ZNF536: variants seen among roughly 807,000 people sequenced by gnomAD.
The protein encoded by ZNF536 is zinc finger protein 536.
A neutral mutation model predicts 84.5 loss-of-function variants in ZNF536; 13 were observed. The ratio of observed to expected loss-of-function variants is 0.15; its 90% confidence interval spans 0.10 to 0.24. The LOEUF is 0.24. ZNF536 is among the 10% of genes least tolerant of loss of function. The probability of loss-of-function intolerance (pLI) is 1.00; values close to 1 mark genes in which losing one functional copy is unlikely to be tolerated. For synonymous variants in ZNF536, 811 were observed against 742.5 expected, an observed-to-expected ratio of 1.09 and a Z score of -1.50; for missense variants, 1,536 against 1,747.5, an observed-to-expected ratio of 0.88 and a Z score of 2.16.
intron 4 of ZNF536, among the ~76,000 whole-genome samples, chr19:30,550,384 C>G (rs866583056): frequency 6.6e-6 from 1 of 152,208 alleles, no homozygotes; most frequent in African/African-American, 2.4e-5. Context: ...AAGTCATTGT[C>G]TTGGCACCCT....
chr19:30,713,211 G>C (rs2052505227), exon 2 of ZNF536: 1 of 152,256 alleles, frequency 6.6e-6, no homozygotes, highest in Non-Finnish European at 1.5e-5. Context: ...TTTGTAACTT[G>C]TAATACAAAC....
intron 1 of ZNF536, among the ~76,000 whole-genome samples, chr19:30,625,267 G>A (rs2048634276): frequency 6.6e-6 from 1 of 152,146 alleles, no homozygotes; most frequent in South Asian, 2.1e-4. Context: ...CCCCCAATCA[G>A]GGAGTCATGA....
chr19:30,665,212 A>G (rs1190969840), intron 1 of ZNF536: 1 of 152,144 alleles, frequency 6.6e-6, no homozygotes, highest in African/African-American at 2.4e-5. Flanking sequence ...GCATGGTAGC[A>G]CATGCCTGTA....
chr19:30,245,584 A>G (rs2024212551), intron 1 of ZNF536, among the ~76,000 whole-genome samples: 1 of 152,252 alleles, frequency 6.6e-6, no homozygotes, highest in Non-Finnish European at 1.5e-5. Context: ...TTCCATTGTT[A>G]GAGATGGAAG....
intron 1 of ZNF536, among the ~76,000 whole-genome samples, chr19:30,424,958 A>C (rs1374257046): frequency 6.6e-6 from 1 of 152,212 alleles, no homozygotes; most frequent in East Asian, 1.9e-4. Context: ...CGTATGGCTC[A>C]GGATCCCAGG....
In ZNF536 at chr19:30,548,769, G is replaced by C. The variant is rs772300880; in HGVS notation, c.3150G>C (p.Lys1050Asn). 2.5e-6 allele frequency: 4 copies of C among 1,613,930 alleles called. No individual in the cohort carries two copies. Among genetic ancestry groups the C allele is most frequent in the Non-Finnish European group, 3.4e-6 (4 of 1,180,030 alleles). The change falls in exon 4 of 5, where the codon AAG becomes AAC. Residue 1050 changes from lysine (K) to asparagine (N), a missense_variant. Physicochemically the swap from Lys to Asn is moderately conservative, Grantham distance 94 (BLOSUM62 0). Coordinates refer to ENST00000355537, the MANE Select transcript of ZNF536 (RefSeq NM_014717.3). The part of the protein sequence containing the change: ...NCKDQAREAS[K>N]MALLPSLQSN... ...AAGACCAAGCCCGGGAGGCGAGTAAGATGGCCCTGCTGCCCTCGTTACAAT... is the reference window on the plus strand; with the variant it reads ...AAGACCAAGCCCGGGAGGCGAGTAACATGGCCCTGCTGCCCTCGTTACAAT...
At chr19:30,440,881 G>GGATAGATAGATA (rs56021291) in intron 1 of ZNF536, among the ~76,000 whole-genome samples, 3 of 145,562 alleles carry the variant, frequency 2.1e-5, no homozygotes, top group Non-Finnish European at 3.0e-5. Context: ...ACTCTGGCCA[G>GGATAGATAGATA]GATAGATAGA....
At chr19:30,561,958 G>T (rs1242853220), downstream of ZNF536, among the ~76,000 whole-genome samples, 4 of 152,206 alleles carry the variant, frequency 2.6e-5, no homozygotes, top group Admixed American at 6.5e-5. Context: ...AGCCACAGAT[G>T]AGAACAGATG....
At chr19:30,469,312 T>A (rs1051567578) in intron 2 of ZNF536, among the ~76,000 whole-genome samples, 5 of 151,926 alleles carry the variant, frequency 3.3e-5, no homozygotes, top group African/African-American at 1.2e-4. Flanking sequence ...CTCAGGAGGC[T>A]GAGGCAGGAG....
chr19:30,298,987 C>A (rs1156485313), intron 2 of ZNF536, among the ~76,000 whole-genome samples: 1 of 149,038 alleles, frequency 6.7e-6, no homozygotes, highest in East Asian at 2.1e-4. Flanking sequence ...TTAGGCCTGG[C>A]AGGTCACATT....
chr19:30,410,834 G>T (rs555854654), intron 1 of ZNF536, among the ~76,000 whole-genome samples: 1 of 152,292 alleles, frequency 6.6e-6, no homozygotes, highest in South Asian at 2.1e-4. Context: ...CTCTTCTCAA[G>T]AGGTAATAAT....
At chr19:30,694,969 G>C (rs1453684510) in intron 1 of ZNF536, among the ~76,000 whole-genome samples, 1 of 152,208 alleles carries the variant, frequency 6.6e-6, no homozygotes, top group Non-Finnish European at 1.5e-5. Flanking sequence ...GGAAAATGCA[G>C]AGCTACCCAG....
intron 1 of ZNF536, among the ~76,000 whole-genome samples, chr19:30,439,959 CTTTT>C (rs199638233): frequency 2.3e-4 from 22 of 96,388 alleles, no homozygotes; most frequent in African/African-American, 9.5e-4. Flanking sequence ...TTCTTTCTTT[CTTTT>C]TTTTTTTTTT....
chr19:30,236,540 T>C (rs936097484), intron 1 of ZNF536, among the ~76,000 whole-genome samples: 1 of 115,926 alleles, frequency 8.6e-6, no homozygotes, highest in East Asian at 3.0e-4. Flanking sequence ...GGGGGGGGGG[T>C]ACAATTGGAA....
At chr19:30,630,272 T>G (rs996937166) in intron 1 of ZNF536, among the ~76,000 whole-genome samples, 27 of 152,206 alleles carry the variant, frequency 1.8e-4, no homozygotes, top group African/African-American at 5.5e-4. Flanking sequence ...TCTCAGGCAC[T>G]TTCTATTAGG....
chr19:30,265,246 C>T (rs879340998), intron 1 of ZNF536, among the ~76,000 whole-genome samples: 1 of 152,106 alleles, frequency 6.6e-6, no homozygotes, highest in Non-Finnish European at 1.5e-5. Flanking sequence ...CCCAAATGCT[C>T]GGGTGCAATC....
intron 1 of ZNF536, among the ~76,000 whole-genome samples, chr19:30,279,331 G>T (rs1224532307): frequency 1.3e-5 from 2 of 152,200 alleles, no homozygotes; most frequent in Non-Finnish European, 2.9e-5. Flanking sequence ...ATAGAATAGA[G>T]CCTGACTGCA....
chr19:30,564,914 G>T (rs1365243243), intron 1 of ZNF536, among the ~76,000 whole-genome samples: 1 of 152,142 alleles, frequency 6.6e-6, no homozygotes, highest in Non-Finnish European at 1.5e-5. Context: ...CCACAGAGCT[G>T]GGCTGGCACC....
chr19:30,442,962 CCTTTA>C (rs762167782), intron 1 of ZNF536, among the ~76,000 whole-genome samples: 20 of 151,870 alleles, frequency 1.3e-4, no homozygotes, highest in Non-Finnish European at 1.9e-4. Context: ...TAAAGCCTGT[CCTTTA>C]CTTTATTTTT....
Sources: allele counts gnomAD v4.1 joint callset (sites outside exome capture counted in the v4.1 genomes callset), GRCh38; gene constraint gnomAD v4.1.1; transcripts MANE v1.5; gene names NCBI Gene and HGNC (gene_info 2026-07-23, HGNC 2026-07-21).